Variants in UNC5D observed in about 807,000 individuals in gnomAD.
The protein encoded by UNC5D is unc-5 netrin receptor D, also known as netrin receptor UNC5D.
Under a neutral mutation model 105.4 loss-of-function variants are expected in UNC5D, and 39 were observed. That is an observed-to-expected ratio of 0.37 (90% CI 0.29 to 0.48). The LOEUF is 0.48. UNC5D is among the 20% of genes least tolerant of loss of function. The probability of loss-of-function intolerance (pLI) is 0.98; values close to 1 mark genes in which losing one functional copy is unlikely to be tolerated. For synonymous variants in UNC5D, 452 were observed against 450.4 expected, an observed-to-expected ratio of 1.00 and a Z score of -0.04; for missense variants, 991 against 1,202.4, an observed-to-expected ratio of 0.82 and a Z score of 2.60.
chr8:35,709,488 G>A (rs61113752), intron 8 of UNC5D, among the ~76,000 whole-genome samples: 3,412 of 152,076 alleles, frequency 0.022, 128 homozygotes, highest in African/African-American at 0.077. Context: ...TGAGGAGTTC[G>A]AGACCAGCCT....
intron 1 of UNC5D, among the ~76,000 whole-genome samples, chr8:35,468,949 G>C (rs980860592): frequency 6.6e-6 from 1 of 152,172 alleles, no homozygotes; most frequent in Non-Finnish European, 1.5e-5. Flanking sequence ...ATTGGAGTTA[G>C]AAATAGGAGA....
At chr8:35,484,392 C>T (rs1810694213) in intron 1 of UNC5D, among the ~76,000 whole-genome samples, 1 of 152,114 alleles carries the variant, frequency 6.6e-6, no homozygotes, top group Non-Finnish European at 1.5e-5. Context: ...CACCCCACAC[C>T]AATCTATCAG....
intron 1 of UNC5D, chr8:35,525,881 A>G: frequency 9.3e-7 from 1 of 1,078,944 alleles, no homozygotes; most frequent in Non-Finnish European, 1.3e-6. Flanking sequence ...CTATTAAAAA[A>G]GAAAATTTTC....
At chr8:35,553,385 A>G (rs1019831510) in intron 2 of UNC5D, among the ~76,000 whole-genome samples, 1 of 152,182 alleles carries the variant, frequency 6.6e-6, no homozygotes, top group African/African-American at 2.4e-5. Context: ...AATAAAAGAC[A>G]TATTTCAAAG....
chr8:35,459,108 T>G (rs1003561392), intron 1 of UNC5D, among the ~76,000 whole-genome samples: 1 of 152,202 alleles, frequency 6.6e-6, no homozygotes, highest in Non-Finnish European at 1.5e-5. Flanking sequence ...TTGATTGATG[T>G]ATTTTTCTTT....
At chr8:35,356,263 G>A (rs1801546229) in intron 1 of UNC5D, among the ~76,000 whole-genome samples, 1 of 152,082 alleles carries the variant, frequency 6.6e-6, no homozygotes, top group South Asian at 2.1e-4. Flanking sequence ...AATGAATTGT[G>A]ATAAAATTCT....
At chr8:35,371,935 T>C (rs190744216) in intron 1 of UNC5D, among the ~76,000 whole-genome samples, 195 of 152,282 alleles carry the variant, frequency 1.3e-3, no homozygotes, top group African/African-American at 4.5e-3. Context: ...TGAACCGTTG[T>C]CTAATTGGGT....
At chr8:35,587,198 C>T (rs1306199274) in intron 3 of UNC5D, among the ~76,000 whole-genome samples, 1 of 152,094 alleles carries the variant, frequency 6.6e-6, no homozygotes, top group East Asian at 1.9e-4. Context: ...TGCTGTGGAA[C>T]TGAACAGGGT....
chr8:35,479,987 G>A (rs1810369377), intron 1 of UNC5D, among the ~76,000 whole-genome samples: 2 of 152,170 alleles, frequency 1.3e-5, no homozygotes, highest in South Asian at 2.1e-4. Flanking sequence ...TCTCTGGAAT[G>A]CACCACTAAT....
chr8:35,562,663 G>A (rs1311626608), intron 2 of UNC5D, among the ~76,000 whole-genome samples: 1 of 151,792 alleles, frequency 6.6e-6, no homozygotes, highest in African/African-American at 2.4e-5. Context: ...TAAATCTTTT[G>A]TTCTGTTTTT....
intron 1 of UNC5D, among the ~76,000 whole-genome samples, chr8:35,451,652 C>T (rs773078290): frequency 1.3e-5 from 2 of 152,074 alleles, no homozygotes; most frequent in African/African-American, 2.4e-5. Context: ...ATCTCTTGTT[C>T]TTCTATATTC....
intron 1 of UNC5D, among the ~76,000 whole-genome samples, chr8:35,509,351 T>A (rs988951352): frequency 5.3e-5 from 8 of 150,930 alleles, no homozygotes; most frequent in Non-Finnish European, 1.0e-4. Flanking sequence ...CTCCATGGGA[T>A]GTAGGGGTAC....
rs756986140 is a variant in UNC5D at position 35,686,579 on chromosome 8, C to T, written c.954C>T (p.Ser318=). The T allele has an allele frequency of 1.1e-5, 18 of 1,594,300 alleles. No individual in the cohort carries two copies. The highest frequency in any genetic ancestry group is 1.1e-4 in the African/African-American group (8 of 73,282). The stretch of plus-strand genomic sequence containing the variant: ...GCTGGGAAGTGTGGAGCGAATGGTC[C>T]GTCTGCAGTCCAGAGTGTGAACATT... The part of the protein sequence containing the change: ...DGSWEVWSEW[S]VCSPECEHLR... The change falls in exon 7 of 17, where the codon TCC becomes TCT. Residue 318 remains serine, a synonymous_variant. Coordinates refer to ENST00000404895, the MANE Select transcript of UNC5D (RefSeq NM_080872.4).
At chr8:35,759,283 T>C in intron 13 of UNC5D, 37 bp from the exon 14 acceptor site, 1 of 1,607,974 alleles carries the variant, frequency 6.2e-7, no homozygotes, top group Non-Finnish European at 8.5e-7. Flanking sequence ...GCAGGATATT[T>C]CATTATTGAT....
chr8:35,604,390 G>C (rs554158878), intron 4 of UNC5D, among the ~76,000 whole-genome samples: 160 of 152,340 alleles, frequency 1.1e-3, no homozygotes, highest in South Asian at 2.9e-3. Flanking sequence ...CTTCTGGCTT[G>C]TAGAGTTTCT....
intron 1 of UNC5D, among the ~76,000 whole-genome samples, chr8:35,388,294 G>T (rs1803560549): frequency 1.3e-5 from 2 of 152,056 alleles, no homozygotes; most frequent in African/African-American, 4.8e-5. Flanking sequence ...AACCTGGGAG[G>T]TGGAGGTTAC....
chr8:35,790,623 A>T lies in UNC5D; in HGVS notation c.*60A>T. 1 of 1,583,198 alleles carries T rather than the reference A, an allele frequency of 6.3e-7. No individual in the cohort carries two copies. Among genetic ancestry groups the T allele is most frequent in the Non-Finnish European group, 8.6e-7 (1 of 1,157,900 alleles). ...CTTGGGGACATTTGCTTTAAATGGG[A>T]AAGAGGCCGCTTTCTGCCCAGTGGC... is the stretch of plus-strand genomic sequence containing the variant. On this transcript the variant is annotated 3_prime_UTR_variant, in exon 17 of 17. Transcript: ENST00000404895.
At chr8:35,563,509 A>G (rs766674179) in intron 2 of UNC5D, among the ~76,000 whole-genome samples, 7 of 151,854 alleles carry the variant, frequency 4.6e-5, no homozygotes, top group Admixed American at 2.6e-4. Context: ...GTCAGTTCCA[A>G]TGTTTCTTGG....
In UNC5D at chr8:35,326,696, G is replaced by A. The variant is rs182163308; in HGVS notation, c.103+90809G>A. Among the ~76,000 whole-genome samples the A allele has an allele frequency of 2.8e-3, 419 of 152,142 alleles. 1 individual carries two copies. Among genetic ancestry groups the A allele is most frequent in the Admixed American group, 7.7e-3 (118 of 15,258 alleles). ...CACATGAGCCTAGGAGTCAGGGGCT[G>A]CGGTGAGCTGTGATTGTGCCATGCA... is the stretch of plus-strand genomic sequence containing the variant. On this transcript the variant is annotated intron_variant, in intron 1 of 16. Transcript: ENST00000404895.
Sources: gnomAD v4.1 joint callset for allele counts (sites outside exome capture counted in the v4.1 genomes callset) on GRCh38, gnomAD v4.1.1 for gene constraint, MANE v1.5 for transcripts, NCBI Gene and HGNC (gene_info 2026-07-23, HGNC 2026-07-21) for gene names.